The following RNF6 variants were observed in gnomAD, a reference collection of about 807,000 sequenced individuals.
The protein encoded by RNF6 is E3 ubiquitin-protein ligase RNF6.
In RNF6, 21 loss-of-function variants were observed where a neutral mutation model predicts 50.1. That is an observed-to-expected ratio of 0.42 (90% CI 0.30 to 0.60). The LOEUF (loss-of-function observed/expected upper bound fraction) is 0.60. RNF6 is among the 20% of genes least tolerant of loss of function. The pLI is 0.20. For synonymous variants in RNF6, 255 were observed against 291.8 expected (o/e 0.87, Z 1.29); for missense variants, 698 against 838.2 (o/e 0.83, Z 2.07).
At chr13:26,158,347 G>A (rs1052151042) in intron 5 of RNF6, among the ~76,000 whole-genome samples, 1 of 152,144 alleles carries the variant, frequency 6.6e-6, no homozygotes, top group Non-Finnish European at 1.5e-5. Context: ...GTGTATATAT[G>A]TGTATGCTGG....
chr13:26,184,581 A>T (rs1295291372), intron 5 of RNF6, among the ~76,000 whole-genome samples: 1 of 152,192 alleles, frequency 6.6e-6, no homozygotes, highest in Admixed American at 6.5e-5. Flanking sequence ...ATGAGAACAG[A>T]TTATCTAATT....
intron 5 of RNF6, among the ~76,000 whole-genome samples, chr13:26,134,372 C>T (rs534354371): frequency 2.6e-5 from 4 of 152,316 alleles, no homozygotes; most frequent in South Asian, 2.1e-4. Context: ...CATGGGTGAG[C>T]GTGAGGCCAC....
intron 5 of RNF6, among the ~76,000 whole-genome samples, chr13:26,195,713 A>G (rs147318078): frequency 6.6e-6 from 1 of 152,316 alleles, no homozygotes; most frequent in Non-Finnish European, 1.5e-5. Context: ...ATTCGAAACA[A>G]GTATATCTGT....
chr13:26,165,125 C>T (rs956542387), intron 5 of RNF6, among the ~76,000 whole-genome samples: 75 of 152,262 alleles, frequency 4.9e-4, no homozygotes, highest in African/African-American at 1.6e-3. Flanking sequence ...CCTAGGGACT[C>T]GGCGCCCTGC....
At chr13:26,222,887 A>G (rs1870652174), upstream of RNF6, among the ~76,000 whole-genome samples, 1 of 152,214 alleles carries the variant, frequency 6.6e-6, no homozygotes. Flanking sequence ...AAATGGGATT[A>G]CAGGCATGAG....
At chr13:26,218,079 T>C (rs652568) in intron 4 of RNF6, among the ~76,000 whole-genome samples, 135,022 of 152,296 alleles carry the variant, frequency 0.89, 60,414 homozygotes, top group East Asian at 1. Context: ...AGTTCTTTTA[T>C]AGTACTTTCC....
intron 5 of RNF6, among the ~76,000 whole-genome samples, chr13:26,207,632 C>T (rs1321195018): frequency 6.6e-6 from 1 of 152,214 alleles, no homozygotes; most frequent in African/African-American, 2.4e-5. Flanking sequence ...TCAAAGCAGC[C>T]GGCCATCTCA....
At chr13:26,150,500 C>CAG (rs1243960709) in intron 5 of RNF6, among the ~76,000 whole-genome samples, 5 of 152,100 alleles carry the variant, frequency 3.3e-5, no homozygotes, top group African/African-American at 1.2e-4. Flanking sequence ...AATGAAGATG[C>CAG]AGCACAATTT....
intron 5 of RNF6, among the ~76,000 whole-genome samples, chr13:26,197,824 G>A (rs1868731721): frequency 6.6e-6 from 1 of 151,832 alleles, no homozygotes; most frequent in South Asian, 2.1e-4. Context: ...AGGAGACTGA[G>A]ACCATCCTGG....
At chr13:26,175,207 A>C (rs1250818656) in intron 5 of RNF6, among the ~76,000 whole-genome samples, 1 of 152,076 alleles carries the variant, frequency 6.6e-6, no homozygotes, top group East Asian at 1.9e-4. Context: ...CAGCCCCCCG[A>C]GTAGCTGGGA....
chr13:26,195,048 C>T (rs301067), intron 5 of RNF6, among the ~76,000 whole-genome samples: 4,445 of 152,174 alleles, frequency 0.029, 180 homozygotes, highest in East Asian at 0.16. Flanking sequence ...ATCACAATGG[C>T]CAAAAAACAG....
rs114310462 is a variant in RNF6 at position 26,220,081 on chromosome 13, T to C, written c.-18-414A>G. Among the ~76,000 whole-genome samples, 1,034 of 152,342 alleles carry C rather than the reference T, an allele frequency of 6.8e-3. 7 individuals are homozygous for C. Among genetic ancestry groups the C allele is most frequent in the African/African-American group, 0.011 (439 of 41,578 alleles). ...ATTCTTCACTTAATGAGCAAAGGGA[T>C]ACTGGGATGATATAATTTACATTTG... On this transcript the variant is annotated intron_variant, in intron 2 of 4. Transcript: ENST00000381588.
chr13:26,180,069 A>T (rs550948638), intron 5 of RNF6, among the ~76,000 whole-genome samples: 2 of 152,286 alleles, frequency 1.3e-5, no homozygotes, highest in South Asian at 4.1e-4. Context: ...CATTGGCAGT[A>T]ACCCAAATGA....
upstream of RNF6, chr13:26,222,344 C>G (rs1870608274): frequency 6.6e-6 from 1 of 152,270 alleles, no homozygotes. Flanking sequence ...AGCTAGGGTG[C>G]CTGGCGTCCC....
At chr13:26,138,991 C>G (rs142146015) in intron 5 of RNF6, among the ~76,000 whole-genome samples, 1 of 152,140 alleles carries the variant, frequency 6.6e-6, no homozygotes. Flanking sequence ...TAGCTATTTG[C>G]TCTTCCAAAT....
At chr13:26,158,732 T>G (rs1260590136) in intron 5 of RNF6, among the ~76,000 whole-genome samples, 2 of 152,188 alleles carry the variant, frequency 1.3e-5, no homozygotes, top group African/African-American at 4.8e-5. Context: ...TGGGTGTGTG[T>G]GTGTGTATTG....
intron 5 of RNF6, among the ~76,000 whole-genome samples, chr13:26,161,676 A>G (rs1041450007): frequency 2.6e-5 from 4 of 152,176 alleles, no homozygotes; most frequent in Admixed American, 1.3e-4. Context: ...AATTTACTGA[A>G]TTATCTTATT....
chr13:26,154,887 G>A (rs569001798), intron 5 of RNF6, among the ~76,000 whole-genome samples: 13 of 151,874 alleles, frequency 8.6e-5, no homozygotes, highest in Non-Finnish European at 1.6e-4. Flanking sequence ...AAAATTAGCC[G>A]GATGTGGTGG....
Position 26,213,017 on chromosome 13 carries a change from A to G in RNF6, c.*807T>C, listed in dbSNP as rs537405505. On this transcript the variant is annotated 3_prime_UTR_variant, in exon 5 of 5. Coordinates refer to ENST00000381588, the MANE Select transcript of RNF6 (RefSeq NM_005977.4). ...TCCAAAGAATTGTTTGCACTTTCAAAAAAGTTACAAAAAGGCTGAACACAA... is the reference window on the plus strand; with the variant it reads ...TCCAAAGAATTGTTTGCACTTTCAAGAAAGTTACAAAAAGGCTGAACACAA... 6.5e-6 allele frequency: 1 copy of G among 152,728 alleles called. No homozygotes were observed. Among genetic ancestry groups the G allele is most frequent in the Admixed American group, 6.5e-5 (1 of 15,300 alleles). 9.5% of individuals were successfully genotyped at this position (152,728 alleles called of 1,614,324 possible). A position where few individuals can be genotyped will look rare whatever the true frequency, so the allele number is the denominator to read the frequency against.
Sources: gnomAD v4.1 joint callset for allele counts (sites outside exome capture counted in the v4.1 genomes callset) on GRCh38, gnomAD v4.1.1 for gene constraint, MANE v1.5 for transcripts, NCBI Gene and HGNC (gene_info 2026-07-23, HGNC 2026-07-21) for gene names.